DAB1: variants seen among roughly 807,000 people sequenced by gnomAD.
DAB1 encodes disabled homolog 1.
In DAB1, 15 loss-of-function variants were observed where a neutral mutation model predicts 64.6. That is an observed-to-expected ratio of 0.23 (90% CI 0.16 to 0.36). The LOEUF is 0.36. Among genes scored for constraint, DAB1 ranks in the 10% least tolerant of loss-of-function variants. The pLI, the probability that DAB1 is intolerant of heterozygous loss-of-function variation, is 1.00. For missense variants in DAB1, 596 were observed against 706.7 expected, an observed-to-expected ratio of 0.84 and a Z score of 1.78; for synonymous variants, 235 against 251.9, an observed-to-expected ratio of 0.93 and a Z score of 0.64.
At chr1:58,049,169 C>T (rs1048150755) in intron 5 of DAB1, 20 of 778,186 alleles carry the variant, frequency 2.6e-5, no homozygotes, top group South Asian at 1.1e-4. Flanking sequence ...CCACACAGTC[C>T]GTGAGCGTTC....
chr1:58,430,002 A>G (rs1057483640), intron 3 of DAB1, among the ~76,000 whole-genome samples: 1 of 152,172 alleles, frequency 6.6e-6, no homozygotes, highest in Non-Finnish European at 1.5e-5. Flanking sequence ...CATGGCAGAA[A>G]AGAGTGAGGG....
At chr1:57,801,227 T>C (rs1275265505) in intron 6 of DAB1, among the ~76,000 whole-genome samples, 1 of 152,274 alleles carries the variant, frequency 6.6e-6, no homozygotes, top group African/African-American at 2.4e-5. Flanking sequence ...CATCTATTCC[T>C]GGCTCTAATA....
At chr1:57,680,479 G>T (rs985023210) in intron 6 of DAB1, among the ~76,000 whole-genome samples, 1 of 152,172 alleles carries the variant, frequency 6.6e-6, no homozygotes, top group African/African-American at 2.4e-5. Context: ...TCCATTGTTT[G>T]TAGGCCGCCC....
At chr1:58,520,765 A>C (rs1383040524) in intron 2 of DAB1, among the ~76,000 whole-genome samples, 3 of 152,200 alleles carry the variant, frequency 2.0e-5, no homozygotes, top group Non-Finnish European at 2.9e-5. Flanking sequence ...AAAATCTAAC[A>C]ATCTAACAAG....
At chr1:57,775,589 T>C (rs1008642779) in intron 6 of DAB1, among the ~76,000 whole-genome samples, 3 of 151,682 alleles carry the variant, frequency 2.0e-5, no homozygotes, top group Non-Finnish European at 4.4e-5. Context: ...ATCTTTGTGA[T>C]AGAGAACAGA....
intron 1 of DAB1, among the ~76,000 whole-genome samples, chr1:57,319,291 A>G (rs1675485129): frequency 1.3e-5 from 2 of 152,180 alleles, no homozygotes; most frequent in African/African-American, 2.4e-5. Flanking sequence ...AAAAGGATGC[A>G]TTGGTACCAG....
chr1:57,831,706 C>T (rs1025913712), intron 1 of DAB1, among the ~76,000 whole-genome samples: 1 of 151,808 alleles, frequency 6.6e-6, no homozygotes, highest in Non-Finnish European at 1.5e-5. Context: ...TTGTGCCTGC[C>T]TAATTTTTTG....
chr1:57,821,351 C>A (rs1292834197), downstream of DAB1, among the ~76,000 whole-genome samples: 2 of 152,166 alleles, frequency 1.3e-5, no homozygotes, highest in Admixed American at 1.3e-4. Flanking sequence ...CTGGGAAACA[C>A]AGCTTCTCCA....
intron 1 of DAB1, among the ~76,000 whole-genome samples, chr1:57,405,504 C>G (rs760661121): frequency 2.0e-5 from 3 of 152,192 alleles, no homozygotes; most frequent in Non-Finnish European, 4.4e-5. Context: ...CTAAGAAAAG[C>G]CCTTAGGCCA....
intron 1 of DAB1, among the ~76,000 whole-genome samples, chr1:58,543,116 T>C (rs1007999268): frequency 3.3e-5 from 5 of 152,174 alleles, no homozygotes; most frequent in African/African-American, 4.8e-5. Flanking sequence ...CATGAAACCA[T>C]TGTACTTCCT....
chr1:57,993,677 T>G (rs1646381687), intron 5 of DAB1, among the ~76,000 whole-genome samples: 1 of 152,056 alleles, frequency 6.6e-6, no homozygotes, highest in Non-Finnish European at 1.5e-5. Context: ...TGTTACAGAG[T>G]TTGGGGGAGT....
chr1:58,119,225 CGTGTGTGTGT>C (rs35994489), intron 5 of DAB1, among the ~76,000 whole-genome samples: 7 of 146,882 alleles, frequency 4.8e-5, no homozygotes, highest in Admixed American at 4.1e-4. Context: ...TGTGTGTGTG[CGTGTGTGTGT>C]GTGTGTGTGT....
intron 1 of DAB1, among the ~76,000 whole-genome samples, chr1:57,834,978 A>G (rs1164649925): frequency 6.6e-6 from 1 of 152,146 alleles, no homozygotes; most frequent in Non-Finnish European, 1.5e-5. Context: ...TTCTCCATAC[A>G]GAGAGTTTAA....
chr1:57,161,167 T>C (rs553752043), intron 2 of DAB1, among the ~76,000 whole-genome samples: 2 of 152,146 alleles, frequency 1.3e-5, no homozygotes, highest in African/African-American at 4.8e-5. Flanking sequence ...GGGGAGAGTC[T>C]GAAAGAGTCT....
At chr1:57,365,134 G>T (rs1489592924) in intron 1 of DAB1, among the ~76,000 whole-genome samples, 1 of 139,832 alleles carries the variant, frequency 7.2e-6, no homozygotes, top group African/African-American at 2.6e-5. Flanking sequence ...ATATATATAA[G>T]AATATATATT....
At chr1:58,182,564 C>A (rs1197347763) in intron 4 of DAB1, among the ~76,000 whole-genome samples, 1 of 151,992 alleles carries the variant, frequency 6.6e-6, no homozygotes, top group East Asian at 1.9e-4. Context: ...CATCTTGAAT[C>A]TGCTGTTGAG....
chr1:58,012,959 T>A (rs1646689455), intron 5 of DAB1, among the ~76,000 whole-genome samples: 1 of 152,092 alleles, frequency 6.6e-6, no homozygotes, highest in Admixed American at 6.6e-5. Context: ...GGCCATTTAG[T>A]CAATATAACT....
chr1:58,333,348 T>A (rs1270232980), intron 4 of DAB1, among the ~76,000 whole-genome samples: 1 of 151,694 alleles, frequency 6.6e-6, no homozygotes, highest in Admixed American at 6.6e-5. Flanking sequence ...AAGAAACAGT[T>A]CCCAGAAAAA....
intron 7 of DAB1, among the ~76,000 whole-genome samples, chr1:57,619,253 C>T (rs1645827014): frequency 6.6e-6 from 1 of 152,092 alleles, no homozygotes; most frequent in Admixed American, 6.6e-5. Flanking sequence ...GGGGACAAAA[C>T]CTCGCTTAAG....
Sources: allele counts gnomAD v4.1 joint callset (sites outside exome capture counted in the v4.1 genomes callset), GRCh38; gene constraint gnomAD v4.1.1; transcripts MANE v1.5; gene names NCBI Gene and HGNC (gene_info 2026-07-23, HGNC 2026-07-21).